The following INSC variants were observed in gnomAD, a reference collection of about 807,000 sequenced individuals.
The protein encoded by INSC is INSC spindle orientation adaptor protein.
In INSC, 67 loss-of-function variants were observed where a neutral mutation model predicts 58.6. The ratio of observed to expected loss-of-function variants is 1.14; its 90% CI spans 0.94 to 1.40. INSC has a LOEUF of 1.40. Among genes scored for constraint, INSC ranks in the 40% most tolerant of loss-of-function variants. The pLI is 0.00. For synonymous variants in INSC, 262 were observed against 276.1 expected (o/e 0.95, Z 0.51); for missense variants, 714 against 692.0 (o/e 1.03, Z -0.36).
At chr11:15,252,957 C>T in the INSC span, among the ~76,000 whole-genome samples, 1 of 152,164 alleles carries the variant, frequency 6.6e-6, no homozygotes, top group Non-Finnish European at 1.5e-5. Context: ...CTGTGTCCCA[C>T]TGCCATCAAA....
intron 6 of INSC, among the ~76,000 whole-genome samples, chr11:15,199,418 G>T (rs750271803): frequency 2.0e-5 from 3 of 152,290 alleles, no homozygotes; most frequent in South Asian, 2.1e-4. Context: ...TGAAAAGGGC[G>T]CATGAGCCTA....
intron 1 of INSC, 129 bp downstream of exon 1, chr11:15,115,132 G>A: frequency 1.1e-5 from 6 of 537,846 alleles, no homozygotes; most frequent in Non-Finnish European, 1.4e-5. Context: ...TGCTTGTGAA[G>A]GGGAGCTTGC....
rs577598011 is a variant in INSC, at chr11:15,114,932, G to T, written c.-117G>T. On this transcript the variant is annotated 5_prime_UTR_variant, in exon 1 of 13. Coordinates refer to ENST00000379556, the MANE Select transcript of INSC (RefSeq NM_001042536.3). Reference sequence around the variant, plus strand: ...GGCCGGCAGAGCGGCCACTTTGCGCGCGGCCTCTGGAGCTCCAGCTGCGCC... The same window carrying T: ...GGCCGGCAGAGCGGCCACTTTGCGCTCGGCCTCTGGAGCTCCAGCTGCGCC... 5.2e-5 allele frequency: 51 copies of T among 985,458 alleles called. No homozygotes were observed. The South Asian group carries it at 1.8e-3, about 34-fold the overall frequency. 61.0% of individuals were successfully genotyped at this position (985,458 alleles called of 1,614,324 possible).
At chr11:15,207,541 C>T (rs1286974532) in intron 7 of INSC, among the ~76,000 whole-genome samples, 1 of 152,060 alleles carries the variant, frequency 6.6e-6, no homozygotes, top group Non-Finnish European at 1.5e-5. Context: ...AATCAATAGG[C>T]CCTGACAGCT....
At chr11:15,162,628 G>A (rs957602318) in intron 2 of INSC, among the ~76,000 whole-genome samples, 1 of 152,054 alleles carries the variant, frequency 6.6e-6, no homozygotes, top group African/African-American at 2.4e-5. Context: ...TCTCCACAGG[G>A]GCTGGAATGT....
intron 1 of INSC, among the ~76,000 whole-genome samples, chr11:15,139,868 A>G (rs1848328327): frequency 6.6e-6 from 1 of 152,198 alleles, no homozygotes; most frequent in Admixed American, 6.5e-5. Context: ...CCAGATTCTC[A>G]CTTTTGATCA....
chr11:15,234,552 G>A (rs1307260017), intron 9 of INSC, among the ~76,000 whole-genome samples: 1 of 152,194 alleles, frequency 6.6e-6, no homozygotes, highest in Admixed American at 6.5e-5. Context: ...TCAGCGGAGG[G>A]GGGACACAGT....
At chr11:15,174,668 T>C (rs1849514017) in intron 2 of INSC, among the ~76,000 whole-genome samples, 2 of 152,268 alleles carry the variant, frequency 1.3e-5, no homozygotes, top group Admixed American at 6.5e-5. Context: ...CCTTAGTCAT[T>C]AGCTATGCAT....
the INSC span, among the ~76,000 whole-genome samples, chr11:15,256,665 T>A: frequency 1.3e-5 from 2 of 152,132 alleles, no homozygotes; most frequent in African/African-American, 4.8e-5. Flanking sequence ...AATTTTTGTA[T>A]TTTTAGTAGA....
chr11:15,114,998 C>A lies in INSC; in HGVS notation c.-51C>A, dbSNP rs1425412079. 2.9e-5 allele frequency: 29 copies of A among 985,364 alleles called. No individual in the cohort carries two copies. The highest frequency in any genetic ancestry group is 3.4e-5 in the Non-Finnish European group (28 of 829,954). 61.0% of individuals were successfully genotyped at this position (985,364 alleles called of 1,614,324 possible). On this transcript the variant is annotated 5_prime_UTR_variant, in exon 1 of 13. Transcript: ENST00000379556. ...GCTCGCACTACCAGCCTGTCTCGCA[C>A]GCTAAGTAAGTAGACAGCTCCCCTA...
At chr11:15,248,720 A>G (rs955650908), downstream of INSC, among the ~76,000 whole-genome samples, 9 of 152,210 alleles carry the variant, frequency 5.9e-5, no homozygotes, top group Non-Finnish European at 1.3e-4. Flanking sequence ...CAGATAATAT[A>G]TAATGTTGAA....
At chr11:15,253,052 G>A in the INSC span, among the ~76,000 whole-genome samples, 1 of 152,114 alleles carries the variant, frequency 6.6e-6, no homozygotes, top group African/African-American at 2.4e-5. Flanking sequence ...ACCAGCTGTG[G>A]TAGAACAAAG....
chr11:15,253,990 C>G, the INSC span, among the ~76,000 whole-genome samples: 1 of 152,330 alleles, frequency 6.6e-6, no homozygotes, highest in African/African-American at 2.4e-5. Context: ...CTTTCCTCAG[C>G]TCAGTGGCTC....
chr11:15,162,777 C>T (rs1046619509), intron 2 of INSC, among the ~76,000 whole-genome samples: 1 of 152,108 alleles, frequency 6.6e-6, no homozygotes, highest in Non-Finnish European at 1.5e-5. Flanking sequence ...GTTGGCCATG[C>T]ACTCTGTATG....
At chr11:15,248,110 G>A (rs557104810), downstream of INSC, among the ~76,000 whole-genome samples, 1 of 152,128 alleles carries the variant, frequency 6.6e-6, no homozygotes, top group Non-Finnish European at 1.5e-5. Flanking sequence ...AAACTGACAC[G>A]CATTCTGCTT....
At chr11:15,256,270 C>A in the INSC span, among the ~76,000 whole-genome samples, 112,325 of 152,128 alleles carry the variant, frequency 0.74, 41,660 homozygotes, top group Middle Eastern at 0.8. Flanking sequence ...AAGGGACATG[C>A]TAATTTTCAA....
chr11:15,165,579 G>A (rs2133796616), intron 2 of INSC, among the ~76,000 whole-genome samples: 1 of 152,278 alleles, frequency 6.6e-6, no homozygotes, highest in African/African-American at 2.4e-5. Context: ...GGTGGGAGCA[G>A]TGGTAACCAA....
upstream of INSC, among the ~76,000 whole-genome samples, chr11:15,112,061 C>G (rs923061327): frequency 6.6e-6 from 1 of 152,212 alleles, no homozygotes; most frequent in Admixed American, 6.5e-5. Context: ...GTAAATGTCT[C>G]TGAGCATGTC....
intron 3 of INSC, 43 bp downstream of exon 3, chr11:15,176,129 G>T: frequency 6.9e-7 from 1 of 1,442,436 alleles, no homozygotes; most frequent in South Asian, 1.4e-5. Flanking sequence ...CTGGAAGTCA[G>T]GGTGCTTTAG....
Sources: gnomAD v4.1 joint callset for allele counts (sites outside exome capture counted in the v4.1 genomes callset) on GRCh38, gnomAD v4.1.1 for gene constraint, MANE v1.5 for transcripts, NCBI Gene and HGNC (gene_info 2026-07-23, HGNC 2026-07-21) for gene names.